IL1RAPL2: variants seen among roughly 807,000 people sequenced by gnomAD.
IL1RAPL2 encodes X-linked interleukin-1 receptor accessory protein-like 2.
IL1RAPL2 carries 3 observed loss-of-function variants against 44.1 expected under a neutral mutation model. The observed-to-expected ratio is 0.07, with a 90% confidence interval of 0.03 to 0.18. The LOEUF (loss-of-function observed/expected upper bound fraction) is 0.18. Among genes scored for constraint, IL1RAPL2 ranks in the 10% least tolerant of loss-of-function variants. The pLI is 1.00. For missense variants in IL1RAPL2, 391 were observed against 496.4 expected, an observed-to-expected ratio of 0.79 and a Z score of 2.02; for synonymous variants, 181 against 178.8, an observed-to-expected ratio of 1.01 and a Z score of -0.10.
intron 2 of IL1RAPL2, among the ~76,000 whole-genome samples, chrX:104,746,908 T>G (rs1018966190): frequency 9.0e-6 from 1 of 111,203 alleles, no homozygotes; most frequent in Non-Finnish European, 1.9e-5. Flanking sequence ...GCCATAGTGG[T>G]TCACAGAATT....
chrX:104,718,054 A>G (rs887637537), intron 2 of IL1RAPL2, among the ~76,000 whole-genome samples: 3 of 110,912 alleles, frequency 2.7e-5, no homozygotes, highest in African/African-American at 6.6e-5. Flanking sequence ...GAATAGTGCC[A>G]CAATAAACAT....
chrX:104,891,971 C>A (rs5962993), intron 2 of IL1RAPL2, among the ~76,000 whole-genome samples: 6,347 of 111,314 alleles, frequency 0.057, 463 homozygotes, highest in African/African-American at 0.2. Context: ...TATATCCCAT[C>A]AATACCTAAT....
At chrX:104,989,423 T>C (rs890041787) in intron 2 of IL1RAPL2, among the ~76,000 whole-genome samples, 1 of 111,325 alleles carries the variant, frequency 9.0e-6, no homozygotes, top group African/African-American at 3.3e-5. Context: ...TGAAGAAGAG[T>C]AAAGAATCAT....
At chrX:105,324,495 A>G (rs1174743113) in intron 5 of IL1RAPL2, among the ~76,000 whole-genome samples, 1 of 111,457 alleles carries the variant, frequency 9.0e-6, no homozygotes, top group East Asian at 2.8e-4. Context: ...GTAGCATGCT[A>G]TCTACATGTC....
chrX:104,796,779 G>C (rs1932851787), intron 2 of IL1RAPL2, among the ~76,000 whole-genome samples: 1 of 111,118 alleles, frequency 9.0e-6, no homozygotes, highest in Non-Finnish European at 1.9e-5. Context: ...TTGTTTGTTT[G>C]TTTGTTTTGA....
intron 2 of IL1RAPL2, among the ~76,000 whole-genome samples, chrX:105,032,033 T>G (rs1406157929): frequency 2.7e-5 from 3 of 111,736 alleles, no homozygotes; most frequent in African/African-American, 9.8e-5. Flanking sequence ...TGTAGTATTC[T>G]CTGATGGTAG....
intron 6 of IL1RAPL2, among the ~76,000 whole-genome samples, chrX:105,585,746 T>A (rs1299624807): frequency 2.7e-5 from 3 of 112,115 alleles, no homozygotes; most frequent in Non-Finnish European, 5.6e-5. Context: ...GTTACCACAT[T>A]TTCTTTACCC....
intron 5 of IL1RAPL2, among the ~76,000 whole-genome samples, chrX:105,334,752 G>A (rs982974065): frequency 9.1e-6 from 1 of 109,840 alleles, no homozygotes; most frequent in Admixed American, 9.7e-5. Flanking sequence ...TATTGAATTG[G>A]GAGCTTTGTA....
In IL1RAPL2 at chrX:104,722,261, T is replaced by C. The variant is rs180793913; in HGVS notation, c.82+63266T>C. Among the ~76,000 whole-genome samples the C allele has an allele frequency of 2.8e-3, 314 of 111,971 alleles. 1 individual carries two copies. The highest frequency in any genetic ancestry group is 6.9e-3 in the Admixed American group (73 of 10,515). On this transcript the variant is annotated intron_variant, in intron 2 of 10. Coordinates refer to ENST00000372582, the MANE Select transcript of IL1RAPL2 (RefSeq NM_017416.2). ...TATAAATGAATGAGCTAGCTGTGTA[T>C]CAATAAAATTTTATTTATAAACAAA...
chrX:104,946,342 C>T (rs1458916921), intron 2 of IL1RAPL2, among the ~76,000 whole-genome samples: 5 of 71,335 alleles, frequency 7.0e-5, no homozygotes, highest in Admixed American at 4.8e-4. Flanking sequence ...CACTGCAGTC[C>T]GCAGTCTGGC....
intron 2 of IL1RAPL2, among the ~76,000 whole-genome samples, chrX:105,131,862 G>A (rs753392975): frequency 1.8e-5 from 2 of 111,280 alleles, no homozygotes; most frequent in Admixed American, 9.6e-5. Flanking sequence ...AAAGCCCAAG[G>A]CGTAGGCATA....
intron 3 of IL1RAPL2, among the ~76,000 whole-genome samples, chrX:105,208,533 C>T (rs149257076): frequency 0.024 from 2,629 of 110,973 alleles, 81 homozygotes; most frequent in African/African-American, 0.081. Flanking sequence ...CATTAATATT[C>T]GATGGGTATA....
chrX:104,906,762 A>G (rs1219273908), intron 2 of IL1RAPL2, among the ~76,000 whole-genome samples: 1 of 111,780 alleles, frequency 8.9e-6, no homozygotes, highest in Admixed American at 9.5e-5. Context: ...TTGGTCTAAA[A>G]TTGTCTTTTT....
intron 2 of IL1RAPL2, among the ~76,000 whole-genome samples, chrX:105,051,555 C>T (rs928151250): frequency 4.4e-5 from 5 of 112,671 alleles, no homozygotes; most frequent in Middle Eastern, 4.6e-3. Context: ...TTTGGGTGGC[C>T]GTAGCCCCGC....
intron 2 of IL1RAPL2, among the ~76,000 whole-genome samples, chrX:104,902,875 T>G (rs1037165342): frequency 1.8e-5 from 2 of 111,597 alleles, no homozygotes; most frequent in African/African-American, 6.5e-5. Context: ...AGAAAAAAAT[T>G]ATAAATTGTG....
intron 6 of IL1RAPL2, among the ~76,000 whole-genome samples, chrX:105,625,944 G>T (rs749095500): frequency 1.8e-5 from 2 of 112,027 alleles, no homozygotes; most frequent in East Asian, 5.7e-4. Flanking sequence ...CAAGTTCAGT[G>T]TAACAGTATC....
At chrX:104,707,528 T>C (rs936168413) in intron 2 of IL1RAPL2, among the ~76,000 whole-genome samples, 2 of 112,033 alleles carry the variant, frequency 1.8e-5, no homozygotes, top group African/African-American at 6.5e-5. Context: ...AAATTTTCAA[T>C]ACCTTTTAAT....
chrX:104,682,466 A>C (rs993197912), intron 2 of IL1RAPL2, among the ~76,000 whole-genome samples: 3 of 112,477 alleles, frequency 2.7e-5, no homozygotes, highest in Non-Finnish European at 3.8e-5. Context: ...ATAGAATCAG[A>C]GAATAATGGA....
At chrX:105,607,692 C>CAA (rs2037305357) in intron 6 of IL1RAPL2, among the ~76,000 whole-genome samples, 1 of 41,476 alleles carries the variant, frequency 2.4e-5, no homozygotes, top group Non-Finnish European at 4.6e-5. Context: ...TTAGAAGAAA[C>CAA]ATGGGCCAAT....
Sources: allele counts gnomAD v4.1 joint callset (sites outside exome capture counted in the v4.1 genomes callset), GRCh38; gene constraint gnomAD v4.1.1; transcripts MANE v1.5; gene names NCBI Gene and HGNC (gene_info 2026-07-23, HGNC 2026-07-21).